Variants in CSMD1 observed in about 807,000 individuals in gnomAD.
The protein encoded by CSMD1 is CUB and Sushi multiple domains 1.
CSMD1 carries 213 observed loss-of-function variants against 417.5 expected under a neutral mutation model. That is an observed-to-expected ratio of 0.51 (90% CI 0.46 to 0.57). The LOEUF (loss-of-function observed/expected upper bound fraction) is 0.57. Among genes scored for constraint, CSMD1 ranks in the 20% least tolerant of loss-of-function variants. The pLI, the probability that CSMD1 is intolerant of heterozygous loss-of-function variation, is 0.00. For missense variants in CSMD1, 6,923 were observed against 4,529.7 expected (o/e 1.53, Z -15.17); for synonymous variants, 2,862 against 1,736.8 (o/e 1.65, Z -16.11).
intron 1 of CSMD1, among the ~76,000 whole-genome samples, chr8:4,925,697 C>A (rs1016338983): frequency 6.6e-6 from 1 of 152,068 alleles, no homozygotes; most frequent in Non-Finnish European, 1.5e-5. Context: ...CAGGCGCCCG[C>A]CACCACGCAG....
At chr8:4,176,766 C>T (rs887411092) in intron 3 of CSMD1, among the ~76,000 whole-genome samples, 3 of 149,556 alleles carry the variant, frequency 2.0e-5, no homozygotes, top group Admixed American at 6.7e-5. Context: ...CAAAAAAAGG[C>T]AGGGGTTGCA....
At chr8:2,946,982 C>A (rs910660018) in intron 68 of CSMD1, among the ~76,000 whole-genome samples, 2 of 152,170 alleles carry the variant, frequency 1.3e-5, no homozygotes, top group African/African-American at 4.8e-5. Context: ...TGATTATAAT[C>A]AACATCTTTT....
At chr8:4,441,933 A>G (rs1446928339) in intron 2 of CSMD1, among the ~76,000 whole-genome samples, 4 of 152,224 alleles carry the variant, frequency 2.6e-5, no homozygotes, top group African/African-American at 4.8e-5. Flanking sequence ...AGCTTCTTAC[A>G]TAACCATTGT....
rs770151226 is a variant in CSMD1, at chr8:3,106,514, C to T, written c.6949+14G>A. 41 of 1,531,678 alleles carry T rather than the reference C, an allele frequency of 2.7e-5. No homozygotes were observed. The highest frequency in any genetic ancestry group is 1.7e-4 in the Middle Eastern group (1 of 5,900). 94.9% of individuals were successfully genotyped at this position (1,531,678 alleles called of 1,614,324 possible). On this transcript the variant is annotated intron_variant, in intron 46 of 69. Transcript: ENST00000635120. Reference sequence around the variant, plus strand: ...GAATAAGTTTATGTAGTTTTAGTATCGAACAGTGCATACCTTCACATGTTG... The same window carrying T: ...GAATAAGTTTATGTAGTTTTAGTATTGAACAGTGCATACCTTCACATGTTG...
intron 54 of CSMD1, among the ~76,000 whole-genome samples, chr8:2,992,182 CACACACATGCACACATACAT>C (rs144341767): frequency 0.25 from 37,637 of 150,632 alleles, 7,030 homozygotes; most frequent in African/African-American, 0.54. Context: ...CACACATGAA[CACACACATGCACACATACAT>C]ACACACATGC....
intron 5 of CSMD1, among the ~76,000 whole-genome samples, chr8:3,874,190 C>A (rs1219657712): frequency 6.6e-6 from 1 of 152,164 alleles, no homozygotes; most frequent in Non-Finnish European, 1.5e-5. Context: ...TAGTGTTCCA[C>A]AGCCATGGAG....
intron 16 of CSMD1, among the ~76,000 whole-genome samples, 181 bp from the exon 17 acceptor site, chr8:3,396,562 G>C (rs1338281986): frequency 6.6e-6 from 1 of 152,114 alleles, no homozygotes; most frequent in Non-Finnish European, 1.5e-5. Context: ...TTCTTGATGA[G>C]ACGGCACAGC....
At chr8:4,673,289 A>G (rs1021358340) in intron 1 of CSMD1, among the ~76,000 whole-genome samples, 2 of 152,236 alleles carry the variant, frequency 1.3e-5, no homozygotes, top group African/African-American at 4.8e-5. Flanking sequence ...CACAAAAACT[A>G]TTAAAACGCA....
At chr8:4,194,169 T>C (rs1799198302) in intron 3 of CSMD1, among the ~76,000 whole-genome samples, 1 of 152,164 alleles carries the variant, frequency 6.6e-6, no homozygotes, top group Non-Finnish European at 1.5e-5. Flanking sequence ...AATATTGCCC[T>C]ATCAAGTCTG....
At position 4,402,817 on chromosome 8, in the gene CSMD1, T is replaced by TC. The variant is rs1563136668; in HGVS notation, c.415+17135_415+17136insG. Among the ~76,000 whole-genome samples, 204 of 63,852 alleles carry TC rather than the reference T, an allele frequency of 3.2e-3. 4 individuals are homozygous for TC. In the East Asian group the frequency reaches 0.066, roughly 21 times the overall value. 41.9% of individuals were successfully genotyped at this position (63,852 alleles called of 152,430 possible). A position where few individuals can be genotyped will look rare whatever the true frequency, so the allele number is the denominator to read the frequency against. On this transcript the variant is annotated intron_variant, in intron 3 of 69. Transcript: ENST00000635120. ...ACTTTTTTCTTTTTTTTTTTTTTTT[T>TC]TTTCTTTTTTTTTTTTTTTTGGAGA...
chr8:3,761,617 T>C (rs1798007021), intron 5 of CSMD1, among the ~76,000 whole-genome samples: 1 of 150,030 alleles, frequency 6.7e-6, no homozygotes. Context: ...GCCATTCTCC[T>C]GCCTCAGACT....
chr8:2,985,902 G>A (rs941300718), intron 54 of CSMD1, among the ~76,000 whole-genome samples: 1 of 133,328 alleles, frequency 7.5e-6, no homozygotes, highest in African/African-American at 2.8e-5. Context: ...TATTGTGATC[G>A]AAAAGAAAGA....
chr8:3,160,741 T>G (rs1455894738), intron 38 of CSMD1, among the ~76,000 whole-genome samples: 1 of 152,226 alleles, frequency 6.6e-6, no homozygotes, highest in South Asian at 2.1e-4. Context: ...GCCAGTTATT[T>G]CACAGATATT....
chr8:4,886,189 C>G (rs967288247), intron 1 of CSMD1, among the ~76,000 whole-genome samples: 3 of 151,950 alleles, frequency 2.0e-5, no homozygotes, highest in Non-Finnish European at 4.4e-5. Context: ...TCAGGTTTCA[C>G]CATGTTGGCC....
chr8:4,863,753 T>C (rs969392663), intron 1 of CSMD1, among the ~76,000 whole-genome samples: 3 of 152,080 alleles, frequency 2.0e-5, no homozygotes, highest in South Asian at 2.1e-4. Flanking sequence ...ACTTGTGCTT[T>C]TGATAAATGT....
At chr8:4,329,847 C>T (rs920219522) in intron 3 of CSMD1, among the ~76,000 whole-genome samples, 6 of 60,336 alleles carry the variant, frequency 9.9e-5, no homozygotes, top group Admixed American at 9.7e-4. Context: ...CACCACCCTG[C>T]TTACACACAC....
intron 3 of CSMD1, among the ~76,000 whole-genome samples, chr8:4,232,688 A>C (rs1315462969): frequency 1.3e-5 from 2 of 152,162 alleles, no homozygotes; most frequent in African/African-American, 4.8e-5. Flanking sequence ...AAACTGAAGG[A>C]GACATTTTAT....
chr8:4,784,984 G>C (rs983241593), intron 1 of CSMD1, among the ~76,000 whole-genome samples: 3 of 152,136 alleles, frequency 2.0e-5, no homozygotes, highest in African/African-American at 4.8e-5. Context: ...TAAAATGGAA[G>C]TCCTCAAGTT....
intron 10 of CSMD1, among the ~76,000 whole-genome samples, chr8:3,495,710 G>C (rs952039221): frequency 6.6e-6 from 1 of 152,114 alleles, no homozygotes; most frequent in African/African-American, 2.4e-5. Flanking sequence ...CATCCTTTCA[G>C]AGTAAAAGAA....
Sources: gnomAD v4.1 joint callset for allele counts (sites outside exome capture counted in the v4.1 genomes callset) on GRCh38, gnomAD v4.1.1 for gene constraint, MANE v1.5 for transcripts, NCBI Gene and HGNC (gene_info 2026-07-23, HGNC 2026-07-21) for gene names.